Variants in ATMIN observed in about 807,000 individuals in gnomAD.
The protein encoded by ATMIN is ATM INteracting protein.
In ATMIN, 24 loss-of-function variants were observed where a neutral mutation model predicts 49.2. That is an observed-to-expected ratio of 0.49 (90% CI 0.35 to 0.69). The LOEUF is 0.69. ATMIN is among the 30% of genes least tolerant of loss of function. The probability of loss-of-function intolerance (pLI) is 0.00; values close to 1 mark genes in which losing one functional copy is unlikely to be tolerated. For synonymous variants in ATMIN, 450 were observed against 392.5 expected (o/e 1.15, Z -1.73); for missense variants, 1,037 against 1,005.5 (o/e 1.03, Z -0.42).
intron 1 of ATMIN, chr16:81,037,270 T>G (rs1227110616): frequency 6.1e-6 from 6 of 985,314 alleles, no homozygotes; most frequent in Non-Finnish European, 7.2e-6. Flanking sequence ...AGGAGTAAAT[T>G]TAGAGTACCC....
At position 81,044,468 on chromosome 16, in the gene ATMIN, G is replaced by C. The variant is rs991684924; in HGVS notation, c.1970G>C (p.Ser657Thr). The C allele has an allele frequency of 6.2e-7, 1 of 1,613,930 alleles. No homozygotes were observed. The highest frequency in any genetic ancestry group is 8.5e-7 in the Non-Finnish European group (1 of 1,180,002). The change falls in exon 4 of 4, where the codon AGC becomes ACC. Residue 657 changes from serine to threonine, a missense_variant. Physicochemically the swap from Ser to Thr is moderately conservative, Grantham distance 58. Transcript: ENST00000299575. ...IQTQTEESEL[S>T]TMTTEPVLES... ...ACTCAAACTGAAGAGAGTGAACTTA[G>C]CACCATGACCACCGAGCCAGTCTTG...
In ATMIN at chr16:81,036,340, GCCCTC is replaced by G. The variant is rs924920249; in HGVS notation, c.336+138_336+142del. The G allele has an allele frequency of 1.6e-5, 14 of 874,942 alleles. No individual in the cohort carries two copies. In the African/African-American group the frequency reaches 2.2e-4, roughly 14 times the overall value. 54.2% of individuals were successfully genotyped at this position (874,942 alleles called of 1,614,324 possible). ...CGCTGCCGCTGCCCCACCGGCCTCT[GCCCTC>G]CCCGGCCGGAGGCGGCTCTCGAACC... On this transcript the variant is annotated intron_variant, in intron 1 of 3. Transcript: ENST00000299575.
chr16:81,037,795 C>T (rs1970970464), intron 1 of ATMIN, among the ~76,000 whole-genome samples: 1 of 151,918 alleles, frequency 6.6e-6, no homozygotes, highest in South Asian at 2.1e-4. Context: ...GCCACCACAC[C>T]CTGCTAATTT....
chr16:81,036,678 C>T (rs1411887676), intron 1 of ATMIN, among the ~76,000 whole-genome samples: 1 of 152,214 alleles, frequency 6.6e-6, no homozygotes, highest in Non-Finnish European at 1.5e-5. Context: ...CCCTTGGGTC[C>T]TGCCCAGTGG....
Position 81,041,480 on chromosome 16 carries a change from A to C in ATMIN, c.461A>C (p.Gln154Pro). ...TTTTCTCAGTTTTCTCTCGTAAAACAGGTACTCTCTACTCTGAGGATGAGA... is the reference window on the plus strand; with the variant it reads ...TTTTCTCAGTTTTCTCTCGTAAAACCGGTACTCTCTACTCTGAGGATGAGA... ...RPFSQFSLVK[Q>P]HFMKMHAEKK... The change falls in exon 2 of 4, where the codon CAG (glutamine) becomes CCG (proline). Residue 154 changes from glutamine to proline, a missense_variant and splice_region_variant. Physicochemically the swap from Gln to Pro is moderately conservative, Grantham distance 76. Coordinates refer to ENST00000299575, the MANE Select transcript of ATMIN (RefSeq NM_015251.3). 1 of 1,606,078 alleles carries C rather than the reference A, an allele frequency of 6.2e-7. No individual in the cohort carries two copies. Among genetic ancestry groups the C allele is most frequent in the Non-Finnish European group, 8.5e-7 (1 of 1,178,176 alleles).
At chr16:81,041,002 C>T (rs920169242) in intron 1 of ATMIN, 1 of 220,140 alleles carries the variant, frequency 4.5e-6, no homozygotes, top group South Asian at 6.2e-5. Flanking sequence ...CCGAGCTTCA[C>T]TGACGATGTG....
intron 1 of ATMIN, among the ~76,000 whole-genome samples, chr16:81,039,744 C>A (rs1971008669): frequency 1.3e-5 from 2 of 152,176 alleles, no homozygotes; most frequent in African/African-American, 2.4e-5. Context: ...AACCTCTTAT[C>A]AAGCAACATT....
chr16:81,043,136 C>A (rs760861935), intron 3 of ATMIN, 25 bp from the exon 4 acceptor site: 13 of 1,569,146 alleles, frequency 8.3e-6, no homozygotes, highest in Non-Finnish European at 1.1e-5. Context: ...TTAAGGTTTT[C>A]TTTTTGCTCT....
Position 81,044,824 on chromosome 16 carries a change from G to A in ATMIN, c.2326G>A (p.Gly776Arg), listed in dbSNP as rs775731351. 1.1e-5 allele frequency: 18 copies of A among 1,614,036 alleles called. No individual in the cohort carries two copies. In the African/African-American group the frequency reaches 2.1e-4, roughly 19 times the overall value. The part of the protein sequence containing the change: ...QTMSSGFETL[G>R]SLFFTSNETQ... Reference sequence around the variant, plus strand: ...CATGAGTTCTGGGTTTGAAACCCTGGGGAGCTTGTTCTTCACCAGCAACGA... The same window carrying A: ...CATGAGTTCTGGGTTTGAAACCCTGAGGAGCTTGTTCTTCACCAGCAACGA... The change falls in exon 4 of 4, where the codon GGG becomes AGG. Residue 776 changes from glycine to arginine, a missense_variant. Transcript: ENST00000299575.
intron 1 of ATMIN, 35 bp downstream of exon 1, chr16:81,036,241 G>C: frequency 7.7e-7 from 1 of 1,296,278 alleles, no homozygotes; most frequent in Non-Finnish European, 9.8e-7. Flanking sequence ...CGGGGGGCCG[G>C]GCCTGGCTCC....
chr16:81,037,255 T>C, intron 1 of ATMIN: 1 of 985,466 alleles, frequency 1.0e-6, no homozygotes, highest in Non-Finnish European at 1.2e-6. Context: ...TAGCTTTTGA[T>C]GATCAGGAGT....
chr16:81,043,437 C>T lies in ATMIN; in HGVS notation c.939C>T (p.Val313=). 1 of 1,613,816 alleles carries T rather than the reference C, an allele frequency of 6.2e-7. No individual in the cohort carries two copies. Among genetic ancestry groups the T allele is most frequent in the Non-Finnish European group, 8.5e-7 (1 of 1,179,994 alleles). The change falls in exon 4 of 4, where the codon GTC becomes GTT. Residue 313 remains valine, a synonymous_variant. Transcript: ENST00000299575. The stretch of plus-strand genomic sequence containing the variant: ...AACTACCCGTGATGCAGTTTTCTGT[C>T]ATGCCTGTCTTTGTGCCTACAGCCG... ...LVKLPVMQFS[V]MPVFVPTADS...
chr16:81,036,044 C>A lies in ATMIN; in HGVS notation c.174C>A (p.Pro58=). The change falls in exon 1 of 4, where the codon CCC becomes CCA. Residue 58 remains proline (P), a synonymous_variant. Coordinates refer to ENST00000299575, the MANE Select transcript of ATMIN (RefSeq NM_015251.3). ...GGCCCGCGGGGGCGACGCAGCAGCC[C>A]GCTGTCCCCGCGCCGCCGGCGGGGG... is the stretch of plus-strand genomic sequence containing the variant. The part of the protein sequence containing the change: ...RPRPAGATQQ[P]AVPAPPAGEL... 1 of 1,226,540 alleles carries A rather than the reference C, an allele frequency of 8.2e-7. No individual in the cohort carries two copies. The highest frequency in any genetic ancestry group is 3.5e-5 in the East Asian group (1 of 28,812). The allele number at this position is 1,226,540 out of a possible 1,614,324, so 76.0% of individuals were successfully genotyped here.
Position 81,043,426 on chromosome 16 carries a change from C to T in ATMIN, c.928C>T (p.Gln310Ter). The change falls in exon 4 of 4, where the codon CAG becomes TAG. Residue 310 changes from glutamine (Q) to a stop codon, truncating the protein, a stop_gained. Transcript: ENST00000299575. LOFTEE classifies it high-confidence loss of function. ...GGCTTTGGTTAAACTACCCGTGATG[C>T]AGTTTTCTGTCATGCCTGTCTTTGT... ...KVALVKLPVMQFSVMPVFVPT... is the reference protein window; with the variant it reads ...KVALVKLPVM The T allele has an allele frequency of 6.2e-7, 1 of 1,613,652 alleles. No individual in the cohort carries two copies. The highest frequency in any genetic ancestry group is 8.5e-7 in the Non-Finnish European group (1 of 1,179,978).
At chr16:81,037,740 G>A (rs561235665) in intron 1 of ATMIN, among the ~76,000 whole-genome samples, 2 of 151,698 alleles carry the variant, frequency 1.3e-5, no homozygotes, top group African/African-American at 2.4e-5. Flanking sequence ...GGTTCAAGCA[G>A]TTCTCCTGCC....
chr16:81,036,806 A>G lies in ATMIN; in HGVS notation c.336+600A>G, dbSNP rs80246431. 7.3e-4 allele frequency among the ~76,000 whole-genome samples: 111 copies of G among 152,286 alleles called. 1 individual carries two copies. The highest frequency in any genetic ancestry group is 2.6e-3 in the African/African-American group (109 of 41,556). ...CTGACTTGATCACTATGCAATGTAT[A>G]TGTCCATCCATGCTGCACACCGCAC... On this transcript the variant is annotated intron_variant, in intron 1 of 3. Coordinates refer to ENST00000299575, the MANE Select transcript of ATMIN (RefSeq NM_015251.3).
In ATMIN at chr16:81,036,144, G is replaced by A. The variant is rs775031421; in HGVS notation, c.274G>A (p.Gly92Ser). 1.4e-6 allele frequency: 2 copies of A among 1,470,282 alleles called. No individual in the cohort carries two copies. Among genetic ancestry groups the A allele is most frequent in the Admixed American group, 4.1e-5 (2 of 48,462 alleles). The allele number at this position is 1,470,282 out of a possible 1,614,324, so 91.1% of individuals were successfully genotyped here. A position where few individuals can be genotyped will look rare whatever the true frequency, so the allele number is the denominator to read the frequency against. The change falls in exon 1 of 4, where the codon GGC becomes AGC. Residue 92 changes from glycine to serine, a missense_variant. By Grantham distance (56) the Gly-to-Ser change is moderately conservative. Transcript: ENST00000299575. The stretch of plus-strand genomic sequence containing the variant: ...CATCCTGTGCACCGTGCGCGGCTGC[G>A]GCAAGATCCTGCCCAACAGCCCCGC... Reference protein sequence around the residue: ...TNILCTVRGCGKILPNSPALN... With the variant: ...TNILCTVRGCSKILPNSPALN...
intron 1 of ATMIN, chr16:81,040,715 G>T (rs1308664433): frequency 1.3e-5 from 2 of 152,254 alleles, no homozygotes; most frequent in African/African-American, 4.8e-5. Flanking sequence ...AAAAAGTTGG[G>T]ACTTGAACAG....
intron 1 of ATMIN, among the ~76,000 whole-genome samples, chr16:81,036,922 G>C (rs1970947512): frequency 6.6e-6 from 1 of 152,238 alleles, no homozygotes; most frequent in African/African-American, 2.4e-5. Context: ...CCATCAGTCA[G>C]TTTCACGGTG....
Sources: gnomAD v4.1 joint callset for allele counts (sites outside exome capture counted in the v4.1 genomes callset) on GRCh38, gnomAD v4.1.1 for gene constraint, MANE v1.5 for transcripts, NCBI Gene and HGNC (gene_info 2026-07-23, HGNC 2026-07-21) for gene names.